STMP1: variants seen among roughly 807,000 people sequenced by gnomAD.
STMP1 encodes the protein short transmembrane mitochondrial protein 1, also known as mitolamban.
A neutral mutation model predicts 7.0 loss-of-function variants in STMP1; 7 were observed. The observed-to-expected ratio is 1.01, with a 90% CI of 0.57 to 1.89. The LOEUF (loss-of-function observed/expected upper bound fraction) is 1.89, where lower values mean the gene tolerates loss of function less well. STMP1 is among the 40% of genes most tolerant of loss of function. The pLI, the probability that STMP1 is intolerant of heterozygous loss-of-function variation, is 0.00. For missense variants in STMP1, 45 were observed against 53.0 expected, an observed-to-expected ratio of 0.85 and a Z score of 0.47; for synonymous variants, 19 against 18.4, an observed-to-expected ratio of 1.03 and a Z score of -0.08.
intron 1 of STMP1, among the ~76,000 whole-genome samples, chr7:135,663,320 T>C (rs1435517290): frequency 1.3e-5 from 2 of 152,232 alleles, no homozygotes; most frequent in African/African-American, 4.8e-5. Flanking sequence ...CATTCAAAAC[T>C]TGATGCTTTC....
At chr7:135,667,361 A>C (rs1440118054) in intron 1 of STMP1, among the ~76,000 whole-genome samples, 1 of 152,080 alleles carries the variant, frequency 6.6e-6, no homozygotes, top group Non-Finnish European at 1.5e-5. Flanking sequence ...ACAGGCGTCC[A>C]CCACCATGCC....
intron 1 of STMP1, among the ~76,000 whole-genome samples, chr7:135,666,317 T>G (rs1300441041): frequency 2.0e-5 from 3 of 151,858 alleles, no homozygotes; most frequent in African/African-American, 7.3e-5. Flanking sequence ...CCTGATGACT[T>G]ATGCTTCTGA....
rs1795388976 is a variant in STMP1 at position 135,674,416 on chromosome 7, T to C, written c.*251T>C. 7.4e-6 allele frequency: 3 copies of C among 408,108 alleles called. No individual in the cohort carries two copies. The highest frequency in any genetic ancestry group is 3.8e-5 in the East Asian group (1 of 26,554). The allele number at this position is 408,108 out of a possible 1,614,324, so 25.3% of individuals were successfully genotyped here. On this transcript the variant is annotated 3_prime_UTR_variant, in exon 3 of 3. Coordinates refer to ENST00000507606, the MANE Select transcript of STMP1 (RefSeq NM_001130929.2). ...ATGGGAGGTTCTAAGACTGGAATTA[T>C]GGTGCTAGATTAGTAAACATGACTT... is the stretch of plus-strand genomic sequence containing the variant.
chr7:135,662,848 GA>G (rs1795249138), intron 1 of STMP1, among the ~76,000 whole-genome samples: 1 of 152,222 alleles, frequency 6.6e-6, no homozygotes, highest in Non-Finnish European at 1.5e-5. Flanking sequence ...TGCGTTTCCA[GA>G]GCTTCTTATT....
chr7:135,671,606 T>C (rs938529546), intron 1 of STMP1, among the ~76,000 whole-genome samples: 2 of 152,214 alleles, frequency 1.3e-5, no homozygotes, highest in African/African-American at 4.8e-5. Flanking sequence ...TAAATTTTCA[T>C]GAACCAGTTT....
chr7:135,667,129 G>A (rs1795303131), intron 1 of STMP1, among the ~76,000 whole-genome samples: 1 of 152,228 alleles, frequency 6.6e-6, no homozygotes, highest in African/African-American at 2.4e-5. Context: ...CTAATGTTGA[G>A]CATCTTTTCA....
intron 1 of STMP1, among the ~76,000 whole-genome samples, chr7:135,665,906 C>CTT (rs756029962): frequency 0.029 from 4,126 of 142,588 alleles, 79 homozygotes; most frequent in Middle Eastern, 0.095. Flanking sequence ...TAATCTGTTG[C>CTT]TTTTTTTTTT....
intron 1 of STMP1, among the ~76,000 whole-genome samples, chr7:135,664,914 C>T (rs529491192): frequency 2.0e-5 from 3 of 152,294 alleles, no homozygotes; most frequent in Admixed American, 2.0e-4. Context: ...TCAGACTTCT[C>T]AGTTTGAACT....
In STMP1 at chr7:135,674,226, A is replaced by G. The variant is rs531442298; in HGVS notation, c.*61A>G. 2.1e-5 allele frequency: 26 copies of G among 1,240,116 alleles called. No homozygotes were observed. The highest frequency in any genetic ancestry group is 5.4e-5 in the Admixed American group (2 of 37,198). The allele number at this position is 1,240,116 out of a possible 1,614,324, so 76.8% of individuals were successfully genotyped here. A position where few individuals can be genotyped will look rare whatever the true frequency, so the allele number is the denominator to read the frequency against. ...TCTACTGCTCTTGAGGGCCTCGTTT[A>G]CTATCTGAACCAAAAGCTTTTGTTT... On this transcript the variant is annotated 3_prime_UTR_variant, in exon 3 of 3. Transcript: ENST00000507606.
chr7:135,664,885 A>G (rs1795276702), intron 1 of STMP1, among the ~76,000 whole-genome samples: 1 of 152,194 alleles, frequency 6.6e-6, no homozygotes, highest in Admixed American at 6.5e-5. Context: ...TCTAGTGTTT[A>G]AGAGATTAAA....
chr7:135,665,922 GA>G lies in STMP1; in HGVS notation c.15+3329del, dbSNP rs1260088913. 3.0e-4 allele frequency among the ~76,000 whole-genome samples: 45 copies of G among 148,226 alleles called. No homozygotes were observed. The South Asian group carries it at 9.2e-3, about 30-fold the overall frequency. Reference sequence around the variant, plus strand: ...AATCTGTTGCTTTTTTTTTTTTTGAGACAGAATCTCACTCTGTCACCCAGGC... The same window carrying G: ...AATCTGTTGCTTTTTTTTTTTTTGAGCAGAATCTCACTCTGTCACCCAGGC... On this transcript the variant is annotated intron_variant, in intron 1 of 2. Transcript: ENST00000507606.
chr7:135,663,861 G>T (rs1298398880), intron 1 of STMP1, among the ~76,000 whole-genome samples: 2 of 151,716 alleles, frequency 1.3e-5, no homozygotes, highest in African/African-American at 4.8e-5. Context: ...GGCCGGGATG[G>T]TCTCGATCTC....
intron 1 of STMP1, 26 bp downstream of exon 1, chr7:135,662,620 G>A (rs1218295554): frequency 3.9e-6 from 6 of 1,544,416 alleles, no homozygotes; most frequent in East Asian, 2.5e-5. Flanking sequence ...GAAGAGCGGG[G>A]CCCGCTGCCT....
chr7:135,668,873 C>T (rs557473021), intron 1 of STMP1, among the ~76,000 whole-genome samples: 12 of 152,334 alleles, frequency 7.9e-5, no homozygotes, highest in South Asian at 4.1e-4. Context: ...CAGTTTTCTT[C>T]GCATTTCCTT....
At position 135,674,384 on chromosome 7, in the gene STMP1, C is replaced by T. The variant is rs1479220030; in HGVS notation, c.*219C>T. The T allele has an allele frequency of 2.1e-6, 1 of 486,076 alleles. No homozygotes were observed. Among genetic ancestry groups the T allele is most frequent in the Non-Finnish European group, 3.7e-6 (1 of 273,222 alleles). The allele number at this position is 486,076 out of a possible 1,614,324, so 30.1% of individuals were successfully genotyped here. A position where few individuals can be genotyped will look rare whatever the true frequency, so the allele number is the denominator to read the frequency against. On this transcript the variant is annotated 3_prime_UTR_variant, in exon 3 of 3. Coordinates refer to ENST00000507606, the MANE Select transcript of STMP1 (RefSeq NM_001130929.2). The stretch of plus-strand genomic sequence containing the variant: ...CTCACCTCTTCCCATAATCCCTTTC[C>T]AACTGCATGGGAGGTTCTAAGACTG...
chr7:135,662,615 G>T (rs1795245104), intron 1 of STMP1, 21 bp downstream of exon 1: 3 of 1,545,580 alleles, frequency 1.9e-6, no homozygotes, highest in Non-Finnish European at 2.6e-6. Context: ...CTGCCGAAGA[G>T]CGGGGCCCGC....
chr7:135,664,948 G>T (rs987210884), intron 1 of STMP1, among the ~76,000 whole-genome samples: 6 of 152,202 alleles, frequency 3.9e-5, no homozygotes, highest in African/African-American at 1.4e-4. Context: ...TTTTCAAGCT[G>T]TGGTAGCGTG....
At chr7:135,673,070 A>C in intron 2 of STMP1, 1 of 454,132 alleles carries the variant, frequency 2.2e-6, no homozygotes, top group Non-Finnish European at 3.9e-6. Context: ...TTGTTAGCCG[A>C]GAGTAATATT....
rs1795386165 is a variant in STMP1 at position 135,674,196 on chromosome 7, C to T, written c.*31C>T. On this transcript the variant is annotated 3_prime_UTR_variant, in exon 3 of 3. Transcript: ENST00000507606. ...CCTCCAGCACTGCCTTCAGGATATA[C>T]TGATTCTACTGCTCTTGAGGGCCTC... The T allele has an allele frequency of 6.8e-7, 1 of 1,463,138 alleles. No individual in the cohort carries two copies. Among genetic ancestry groups the T allele is most frequent in the African/African-American group, 1.4e-5 (1 of 69,890 alleles). The allele number at this position is 1,463,138 out of a possible 1,614,324, so 90.6% of individuals were successfully genotyped here. A position where few individuals can be genotyped will look rare whatever the true frequency, so the allele number is the denominator to read the frequency against.
Sources: gnomAD v4.1 joint callset for allele counts (sites outside exome capture counted in the v4.1 genomes callset) on GRCh38, gnomAD v4.1.1 for gene constraint, MANE v1.5 for transcripts, NCBI Gene and HGNC (gene_info 2026-07-23, HGNC 2026-07-21) for gene names.